Variants in PNPLA8 observed in about 807,000 individuals in gnomAD.
The protein encoded by PNPLA8 is patatin like domain 8, phospholipase A2, also known as calcium-independent phospholipase A2-gamma.
In PNPLA8, 39 loss-of-function variants were observed where a neutral mutation model predicts 76.9. That is an observed-to-expected ratio of 0.51 (90% CI 0.39 to 0.66). The LOEUF (loss-of-function observed/expected upper bound fraction) is 0.66, where lower values mean the gene tolerates loss of function less well. Ranked by LOEUF, PNPLA8 falls within the 30% of genes least tolerant of loss-of-function variation. The pLI, the probability that PNPLA8 is intolerant of heterozygous loss-of-function variation, is 0.00. For synonymous variants in PNPLA8, 301 were observed against 307.9 expected, an observed-to-expected ratio of 0.98 and a Z score of 0.24; for missense variants, 887 against 918.0, an observed-to-expected ratio of 0.97 and a Z score of 0.44.
chr7:108,503,074 T>C (rs1862082977), intron 4 of PNPLA8, among the ~76,000 whole-genome samples: 2 of 152,200 alleles, frequency 1.3e-5, no homozygotes, highest in Admixed American at 6.5e-5. Flanking sequence ...ATACATTGCA[T>C]ATGGGATTCA....
chr7:108,499,716 G>A (rs1242690476), intron 5 of PNPLA8, among the ~76,000 whole-genome samples: 1 of 152,202 alleles, frequency 6.6e-6, no homozygotes, highest in African/African-American at 2.4e-5. Flanking sequence ...ATCACCTCCA[G>A]TGGAGAATTA....
At chr7:108,506,962 T>G (rs992867622) in intron 4 of PNPLA8, among the ~76,000 whole-genome samples, 2 of 151,910 alleles carry the variant, frequency 1.3e-5, no homozygotes, top group Non-Finnish European at 2.9e-5. Flanking sequence ...TTATAAAAAG[T>G]TTTTTAATAA....
intron 2 of PNPLA8, among the ~76,000 whole-genome samples, chr7:108,518,009 A>C (rs1355030811): frequency 6.6e-6 from 1 of 152,230 alleles, no homozygotes; most frequent in Non-Finnish European, 1.5e-5. Context: ...GTCCAAGATC[A>C]GTATTAACAG....
chr7:108,474,642 G>C (rs1446021369), intron 10 of PNPLA8, among the ~76,000 whole-genome samples: 2 of 152,228 alleles, frequency 1.3e-5, no homozygotes, highest in Admixed American at 1.3e-4. Context: ...GGTCAACGCT[G>C]TGGATACAGG....
intron 4 of PNPLA8, among the ~76,000 whole-genome samples, chr7:108,509,714 A>T (rs1203115714): frequency 2.0e-5 from 3 of 151,816 alleles, no homozygotes; most frequent in East Asian, 1.9e-4. Flanking sequence ...GCTGCTATAA[A>T]GACACATGCA....
chr7:108,478,127 A>G (rs1330444273), intron 10 of PNPLA8, among the ~76,000 whole-genome samples: 1 of 152,226 alleles, frequency 6.6e-6, no homozygotes, highest in Non-Finnish European at 1.5e-5. Flanking sequence ...GAGTGAGATG[A>G]TAAGGAAAAT....
At chr7:108,498,867 G>A (rs768195678) in intron 5 of PNPLA8, among the ~76,000 whole-genome samples, 13 of 152,168 alleles carry the variant, frequency 8.5e-5, no homozygotes, top group Non-Finnish European at 1.5e-4. Context: ...CCCAACACAA[G>A]GTAGGGGGTA....
chr7:108,511,118 T>G lies in PNPLA8; in HGVS notation c.1206+3026A>C, dbSNP rs1451731909. 6.6e-6 allele frequency: 4 copies of G among 609,672 alleles called. No homozygotes were observed. In the East Asian group the frequency reaches 1.1e-4, roughly 17 times the overall value. The allele number at this position is 609,672 out of a possible 1,614,324, so 37.8% of individuals were successfully genotyped here. A position where few individuals can be genotyped will look rare whatever the true frequency, so the allele number is the denominator to read the frequency against. On this transcript the variant is annotated intron_variant, in intron 4 of 10. Transcript: ENST00000257694. ...ATTTCTCTTTCCTTTCCTGTAAAAT[T>G]TGTAAAATTTGCCTTTGAGAATACC...
intron 4 of PNPLA8, among the ~76,000 whole-genome samples, chr7:108,507,657 G>C (rs531230294): frequency 6.6e-6 from 1 of 151,912 alleles, no homozygotes; most frequent in Non-Finnish European, 1.5e-5. Flanking sequence ...AAAAGAAAAA[G>C]AAACACATTT....
chr7:108,495,895 T>C (rs1861513410), intron 7 of PNPLA8, among the ~76,000 whole-genome samples: 1 of 152,220 alleles, frequency 6.6e-6, no homozygotes, highest in African/African-American at 2.4e-5. Flanking sequence ...TAATATCAGC[T>C]ATACAAAATG....
chr7:108,500,733 A>G lies in PNPLA8; in HGVS notation c.1358+1758T>C, dbSNP rs938369283. ...GAGACCAGCCTTGCCAACATGGTGAAACCCCGTCTCTACTAAAAATACAAA... is the reference window on the plus strand; with the variant it reads ...GAGACCAGCCTTGCCAACATGGTGAGACCCCGTCTCTACTAAAAATACAAA... On this transcript the variant is annotated intron_variant, in intron 5 of 10. Coordinates refer to ENST00000257694, the MANE Select transcript of PNPLA8 (RefSeq NM_001256007.3). Among the ~76,000 whole-genome samples, 8 of 152,250 alleles carry G rather than the reference A, an allele frequency of 5.3e-5. No homozygotes were observed. In the South Asian group the frequency reaches 8.3e-4, roughly 16 times the overall value.
chr7:108,478,848 T>C (rs1860185427), intron 10 of PNPLA8, among the ~76,000 whole-genome samples: 1 of 152,234 alleles, frequency 6.6e-6, no homozygotes, highest in Non-Finnish European at 1.5e-5. Context: ...ATCATGTATA[T>C]GTTTGAACAA....
chr7:108,477,303 AAAGAGTATTTTACTG>A (rs1249081800), intron 10 of PNPLA8, among the ~76,000 whole-genome samples: 1 of 152,204 alleles, frequency 6.6e-6, no homozygotes, highest in Non-Finnish European at 1.5e-5. Flanking sequence ...GCTGGGAGAA[AAAGAGTATTTTACTG>A]ATCTGGCAAC....
At chr7:108,480,979 G>A (rs1598874119) in intron 9 of PNPLA8, among the ~76,000 whole-genome samples, 1 of 79,572 alleles carries the variant, frequency 1.3e-5, no homozygotes, top group East Asian at 2.2e-4. Context: ...AATACAGTAT[G>A]GGACTTCTTT....
upstream of PNPLA8, among the ~76,000 whole-genome samples, chr7:108,526,512 T>G (rs1288901238): frequency 1.3e-5 from 2 of 152,196 alleles, no homozygotes; most frequent in Non-Finnish European, 2.9e-5. Context: ...CGGGCCGCTA[T>G]TCCCTTTCAG....
In PNPLA8 at chr7:108,507,365, A is replaced by AC. The variant is rs1253803517; in HGVS notation, c.1207-4724_1207-4723insG. ...TCAAAAAAAAAAAAAAAAAAAAAAA[A>AC]AGAAACAGGCTGGGTGAGGTGGCTT... On this transcript the variant is annotated intron_variant, in intron 4 of 10. Transcript: ENST00000257694. Among the ~76,000 whole-genome samples, 662 of 150,130 alleles carry AC rather than the reference A, an allele frequency of 4.4e-3. 2 individuals carry two copies. Among genetic ancestry groups the AC allele is most frequent in the Non-Finnish European group, 8.0e-3 (537 of 67,182 alleles).
At chr7:108,496,188 T>C (rs1450015553) in intron 7 of PNPLA8, among the ~76,000 whole-genome samples, 1 of 152,132 alleles carries the variant, frequency 6.6e-6, no homozygotes, top group East Asian at 1.9e-4. Context: ...TGAGCCAAGA[T>C]AGCACCACTG....
chr7:108,520,464 G>A (rs1007856259), intron 2 of PNPLA8, among the ~76,000 whole-genome samples: 1 of 152,186 alleles, frequency 6.6e-6, no homozygotes, highest in African/African-American at 2.4e-5. Context: ...CTGGAAAGGA[G>A]GGGATAAGAG....
At chr7:108,491,335 T>C in intron 8 of PNPLA8, 75 bp downstream of exon 8, 3 of 831,964 alleles carry the variant, frequency 3.6e-6, no homozygotes, top group South Asian at 1.5e-5. Flanking sequence ...TAAAATAAAA[T>C]GGCCCTCAGG....
Sources: allele counts gnomAD v4.1 joint callset (sites outside exome capture counted in the v4.1 genomes callset), GRCh38; gene constraint gnomAD v4.1.1; transcripts MANE v1.5; gene names NCBI Gene and HGNC (gene_info 2026-07-23, HGNC 2026-07-21).